The following SNX13 variants were observed in gnomAD, a reference collection of about 807,000 sequenced individuals.
The protein encoded by SNX13 is sorting nexin-13.
A neutral mutation model predicts 133.6 loss-of-function variants in SNX13; 45 were observed. The observed-to-expected ratio is 0.34, with a 90% CI of 0.27 to 0.43. SNX13 has a LOEUF of 0.43. Among genes scored for constraint, SNX13 ranks in the 20% least tolerant of loss-of-function variants. The pLI is 1.00. For synonymous variants in SNX13, 414 were observed against 373.9 expected (o/e 1.11, Z -1.24); for missense variants, 1,032 against 1,145.1 (o/e 0.90, Z 1.43).
At chr7:17,808,850 C>T (rs1211595645) in intron 20 of SNX13, among the ~76,000 whole-genome samples, 2 of 152,084 alleles carry the variant, frequency 1.3e-5, no homozygotes, top group African/African-American at 4.8e-5. Context: ...CATATCCAGC[C>T]CAACTAAGCT....
chr7:17,854,371 A>G (rs576666273), intron 9 of SNX13, among the ~76,000 whole-genome samples: 179 of 152,338 alleles, frequency 1.2e-3, no homozygotes, highest in African/African-American at 4.0e-3. Flanking sequence ...TTATAGGAAC[A>G]AGGAATAGCT....
At chr7:17,798,232 G>A (rs1304259466) in intron 24 of SNX13, among the ~76,000 whole-genome samples, 1 of 151,682 alleles carries the variant, frequency 6.6e-6, no homozygotes, top group African/African-American at 2.4e-5. Context: ...TATGAAGTAG[G>A]GTACCTACTT....
At chr7:17,909,037 GC>G (rs2128015905) in intron 1 of SNX13, among the ~76,000 whole-genome samples, 1 of 152,040 alleles carries the variant, frequency 6.6e-6, no homozygotes, top group Admixed American at 6.6e-5. Flanking sequence ...TTAAAAGAAA[GC>G]CCTTAAACAA....
intron 20 of SNX13, among the ~76,000 whole-genome samples, chr7:17,814,394 A>T (rs559164958): frequency 1.3e-5 from 2 of 152,270 alleles, no homozygotes; most frequent in South Asian, 4.1e-4. Context: ...TTTTATTCCA[A>T]GTATGGGTCT....
chr7:17,939,758 T>C (rs561211096), intron 1 of SNX13, among the ~76,000 whole-genome samples: 2 of 152,278 alleles, frequency 1.3e-5, no homozygotes, highest in African/African-American at 2.4e-5. Flanking sequence ...GAGCCATACA[T>C]GTGCAGCTTG....
intron 9 of SNX13, among the ~76,000 whole-genome samples, chr7:17,860,475 T>C (rs1290689266): frequency 1.3e-5 from 2 of 152,246 alleles, no homozygotes; most frequent in African/African-American, 4.8e-5. Context: ...GGCAGTTTTT[T>C]AGTCTGATAC....
chr7:17,805,746 A>G (rs1180060677), intron 20 of SNX13, among the ~76,000 whole-genome samples: 1 of 152,246 alleles, frequency 6.6e-6, no homozygotes, highest in African/African-American at 2.4e-5. Flanking sequence ...AAGAGAAAGT[A>G]AATCTATATA....
chr7:17,820,529 AAT>A (rs1787175764), intron 18 of SNX13, among the ~76,000 whole-genome samples: 1 of 152,116 alleles, frequency 6.6e-6, no homozygotes, highest in African/African-American at 2.4e-5. Flanking sequence ...TATAACACAA[AAT>A]AGTCCTTTTA....
In SNX13 at chr7:17,850,831, C is replaced by T. The variant is rs1167181619; in HGVS notation, c.971G>A (p.Gly324Asp). 4 of 1,576,468 alleles carry T rather than the reference C, an allele frequency of 2.5e-6. No individual in the cohort carries two copies. The highest frequency in any genetic ancestry group is 3.4e-6 in the Non-Finnish European group (4 of 1,168,096). Residue 324 changes from glycine to aspartate, a missense_variant, in exon 10 of 26, where the codon GGT becomes GAT. Transcript: ENST00000428135. ...LQYLRSLDTA[G>D]DDINTIKNQI... ...AAATTAAATACATTACTTACCATCACCAGCTGTATCTAGAGATCTAAGATA... is the reference window on the plus strand; with the variant it reads ...AAATTAAATACATTACTTACCATCATCAGCTGTATCTAGAGATCTAAGATA...
intron 9 of SNX13, among the ~76,000 whole-genome samples, chr7:17,853,685 T>G (rs1791517452): frequency 6.6e-6 from 1 of 152,232 alleles, no homozygotes; most frequent in African/African-American, 2.4e-5. Flanking sequence ...GGCTCACGCC[T>G]GTAATCCCAA....
intron 12 of SNX13, among the ~76,000 whole-genome samples, chr7:17,842,114 T>C (rs915929789): frequency 6.6e-6 from 1 of 151,938 alleles, no homozygotes; most frequent in East Asian, 1.9e-4. Flanking sequence ...GGCACGAATA[T>C]AAACACCCAA....
chr7:17,816,105 A>C, intron 19 of SNX13, 77 bp downstream of exon 19: 2 of 1,408,860 alleles, frequency 1.4e-6, no homozygotes, highest in South Asian at 1.5e-5. Context: ...TCTGTGTGCT[A>C]TATTAAATGA....
intron 5 of SNX13, among the ~76,000 whole-genome samples, chr7:17,883,096 T>C (rs916730011): frequency 6.6e-6 from 1 of 152,168 alleles, no homozygotes; most frequent in African/African-American, 2.4e-5. Context: ...CATGCAGTTT[T>C]ATATGACTGT....
At chr7:17,880,547 G>C (rs1417336613) in intron 5 of SNX13, 1 of 152,146 alleles carries the variant, frequency 6.6e-6, no homozygotes, top group Admixed American at 6.5e-5. Context: ...AGATTTTCTG[G>C]AGGTGGGGTC....
intron 22 of SNX13, among the ~76,000 whole-genome samples, chr7:17,800,168 C>A (rs575962317): frequency 4.0e-5 from 6 of 151,772 alleles, no homozygotes; most frequent in African/African-American, 1.4e-4. Context: ...AATAGCTAAA[C>A]TGTAAAAACC....
chr7:17,859,920 T>A (rs1202657445), intron 9 of SNX13, among the ~76,000 whole-genome samples: 1 of 152,146 alleles, frequency 6.6e-6, no homozygotes, highest in Non-Finnish European at 1.5e-5. Context: ...ACACTTAAGG[T>A]TATTTCCACC....
intron 11 of SNX13, among the ~76,000 whole-genome samples, chr7:17,846,937 G>T (rs879400463): frequency 6.6e-6 from 1 of 152,160 alleles, no homozygotes; most frequent in Admixed American, 6.5e-5. Flanking sequence ...AATCCGTGGG[G>T]ATTCTGAGTT....
chr7:17,930,745 G>C (rs563924299), intron 1 of SNX13, among the ~76,000 whole-genome samples: 10 of 152,266 alleles, frequency 6.6e-5, no homozygotes, highest in Admixed American at 6.5e-4. Flanking sequence ...GGCCCATTAG[G>C]AATCAGGCCG....
At chr7:17,834,626 T>G (rs371593482) in intron 14 of SNX13, 135 bp downstream of exon 14, 1 of 491,326 alleles carries the variant, frequency 2.0e-6, no homozygotes, top group Non-Finnish European at 3.5e-6. Flanking sequence ...ATTTCTGGAA[T>G]TGAGAAGTAT....
Sources: allele counts gnomAD v4.1 joint callset (sites outside exome capture counted in the v4.1 genomes callset), GRCh38; gene constraint gnomAD v4.1.1; transcripts MANE v1.5; gene names NCBI Gene and HGNC (gene_info 2026-07-23, HGNC 2026-07-21).